The following NEK10 variants were observed in gnomAD, a reference collection of about 807,000 sequenced individuals.
NEK10 encodes the protein serine/threonine-protein kinase Nek10.
A neutral mutation model predicts 159.8 loss-of-function variants in NEK10; 122 were observed. That is an observed-to-expected ratio of 0.76 (90% CI 0.66 to 0.89). The LOEUF (loss-of-function observed/expected upper bound fraction) is 0.89, where lower values mean the gene tolerates loss of function less well. Ranked by LOEUF, NEK10 falls within the 40% of genes least tolerant of loss-of-function variation. The pLI is 0.00. For missense variants in NEK10, 1,342 were observed against 1,323.1 expected, an observed-to-expected ratio of 1.01 and a Z score of -0.22; for synonymous variants, 466 against 457.1, an observed-to-expected ratio of 1.02 and a Z score of -0.25.
intron 31 of NEK10, among the ~76,000 whole-genome samples, chr3:27,140,126 T>C (rs1313348859): frequency 2.0e-5 from 3 of 152,178 alleles, no homozygotes; most frequent in Non-Finnish European, 4.4e-5. Flanking sequence ...GACTAGGGTG[T>C]TCCTGGAAAA....
intron 23 of NEK10, among the ~76,000 whole-genome samples, chr3:27,242,120 A>G (rs1483127123): frequency 6.6e-6 from 1 of 152,230 alleles, no homozygotes; most frequent in East Asian, 1.9e-4. Context: ...ATGTAAGGCC[A>G]AGGAGGCAGG....
chr3:27,324,085 T>C, intron 5 of NEK10, among the ~76,000 whole-genome samples: 1 of 152,238 alleles, frequency 6.6e-6, no homozygotes, highest in East Asian at 1.9e-4. Flanking sequence ...AGCTTAGAAG[T>C]AGGAAGTCAG....
At chr3:27,210,403 G>A (rs1469862708) in intron 23 of NEK10, among the ~76,000 whole-genome samples, 1 of 152,064 alleles carries the variant, frequency 6.6e-6, no homozygotes, top group Non-Finnish European at 1.5e-5. Context: ...GATCATAAGG[G>A]CTCTTCTCTC....
rs1372225667 is a variant in NEK10 at position 27,308,921 on chromosome 3, C to T, written c.716+5G>A. The T allele has an allele frequency of 1.3e-6, 2 of 1,510,290 alleles. No individual in the cohort carries two copies. The highest frequency in any genetic ancestry group is 1.8e-6 in the Non-Finnish European group (2 of 1,088,274). The allele number at this position is 1,510,290 out of a possible 1,614,324, so 93.6% of individuals were successfully genotyped here. On this transcript the variant is annotated splice_donor_5th_base_variant and intron_variant, in intron 10 of 35. Transcript: ENST00000691995. ...CTGGAAAGTATATTAGAATACACTA[C>T]TTACCTTTCTGCTAAACTAGCCAGA...
intron 26 of NEK10, 55 bp from the exon 27 acceptor site, chr3:27,174,888 G>T: frequency 1.4e-6 from 2 of 1,420,520 alleles, no homozygotes; most frequent in Non-Finnish European, 1.9e-6. Context: ...TCCTTCTATA[G>T]GACCTAAATC....
Position 27,204,809 on chromosome 3 carries a change from A to C in NEK10, c.2091-2252T>G, listed in dbSNP as rs1275359973. 2.3e-3 allele frequency among the ~76,000 whole-genome samples: 325 copies of C among 142,896 alleles called. 1 individual carries two copies. Among genetic ancestry groups the C allele is most frequent in the African/African-American group, 7.5e-3 (297 of 39,580 alleles). The allele number at this position is 142,896 out of a possible 152,430, so 93.7% of individuals were successfully genotyped here. On this transcript the variant is annotated intron_variant, in intron 23 of 35. Coordinates refer to ENST00000691995, the MANE Select transcript of NEK10 (RefSeq NM_001394966.1). ...CTTTATAGCAGCATGATTTATAGTC[A>C]TTTGGGTATATACCCAGTAATGGGA...
At chr3:27,320,169 G>A (rs371886398) in intron 6 of NEK10, among the ~76,000 whole-genome samples, 21 of 152,220 alleles carry the variant, frequency 1.4e-4, no homozygotes, top group African/African-American at 4.8e-4. Context: ...GACAATATTC[G>A]TTTAATATGT....
intron 26 of NEK10, among the ~76,000 whole-genome samples, chr3:27,176,709 G>C (rs1267057489): frequency 6.6e-6 from 1 of 152,068 alleles, no homozygotes; most frequent in Non-Finnish European, 1.5e-5. Flanking sequence ...TCCTTCTTAT[G>C]ACCTTTTTTA....
At chr3:27,189,016 C>T (rs1365011867) in intron 26 of NEK10, among the ~76,000 whole-genome samples, 1 of 152,092 alleles carries the variant, frequency 6.6e-6, no homozygotes, top group African/African-American at 2.4e-5. Flanking sequence ...CTCTACATGA[C>T]AATATTCTAA....
intron 23 of NEK10, among the ~76,000 whole-genome samples, chr3:27,205,571 G>A (rs1950473619): frequency 7.7e-6 from 1 of 130,704 alleles, no homozygotes; most frequent in Non-Finnish European, 1.6e-5. Flanking sequence ...ACAACTATCT[G>A]ATCTTTGACA....
At chr3:27,112,795 T>C (rs1440224176) in intron 35 of NEK10, among the ~76,000 whole-genome samples, 1 of 152,234 alleles carries the variant, frequency 6.6e-6, no homozygotes, top group African/African-American at 2.4e-5. Flanking sequence ...TATTGACATC[T>C]TTGATAATAT....
intron 1 of NEK10, among the ~76,000 whole-genome samples, chr3:27,353,549 T>C (rs1377374462): frequency 6.6e-6 from 1 of 152,154 alleles, no homozygotes; most frequent in African/African-American, 2.4e-5. Context: ...AAAGACAGTT[T>C]AAGGATTTAA....
intron 23 of NEK10, among the ~76,000 whole-genome samples, chr3:27,247,809 T>G (rs1356088713): frequency 2.1e-5 from 3 of 141,474 alleles, no homozygotes; most frequent in Non-Finnish European, 4.6e-5. Flanking sequence ...AATTTTCTTT[T>G]CTTTTCTTTT....
intron 30 of NEK10, among the ~76,000 whole-genome samples, chr3:27,157,772 G>T (rs1410707819): frequency 6.6e-6 from 1 of 152,074 alleles, no homozygotes; most frequent in Non-Finnish European, 1.5e-5. Context: ...GTGAAAGACT[G>T]AATTGATTGA....
intron 12 of NEK10, 116 bp from the exon 13 acceptor site, chr3:27,301,951 G>A: frequency 1.3e-6 from 1 of 762,128 alleles, no homozygotes; most frequent in Non-Finnish European, 2.1e-6. Flanking sequence ...CATCATTATT[G>A]TTTCACTTTC....
intron 25 of NEK10, among the ~76,000 whole-genome samples, chr3:27,201,156 T>C (rs924448534): frequency 2.0e-5 from 3 of 152,230 alleles, no homozygotes; most frequent in Non-Finnish European, 2.9e-5. Flanking sequence ...CATGTGTTCT[T>C]GTCTGGCCTT....
At chr3:27,313,753 C>T (rs1470267026) in intron 7 of NEK10, among the ~76,000 whole-genome samples, 7 of 152,162 alleles carry the variant, frequency 4.6e-5, no homozygotes, top group Admixed American at 4.6e-4. Flanking sequence ...CGCTCTGTTG[C>T]CCAGGCTGGA....
intron 23 of NEK10, among the ~76,000 whole-genome samples, chr3:27,232,567 A>G (rs1953419367): frequency 6.6e-6 from 1 of 152,084 alleles, no homozygotes; most frequent in African/African-American, 2.4e-5. Flanking sequence ...AAAAATCCTA[A>G]AATTCATATG....
Position 27,192,135 on chromosome 3 carries a change from G to T in NEK10, c.2399C>A (p.Ser800Tyr). 1 of 1,614,136 alleles carries T rather than the reference G, an allele frequency of 6.2e-7. No individual in the cohort carries two copies. The highest frequency in any genetic ancestry group is 8.5e-7 in the Non-Finnish European group (1 of 1,179,986). ...TTCCCGTTCTAGCTTCTTTTCCAAG[G>T]ACAACTGGGATGTAGATAAGTTGTC... ...YLDNLSTSQLSLEKKLERERR... is the reference protein window; with the variant it reads ...YLDNLSTSQLYLEKKLERERR... Residue 800 changes from serine (S) to tyrosine (Y), a missense_variant, in exon 26 of 36, where the codon TCC becomes TAC. Ser to Tyr is a moderately radical substitution (Grantham distance 144, BLOSUM62 -2). Transcript: ENST00000691995.
Sources: allele counts gnomAD v4.1 joint callset (sites outside exome capture counted in the v4.1 genomes callset), GRCh38; gene constraint gnomAD v4.1.1; transcripts MANE v1.5; gene names NCBI Gene and HGNC (gene_info 2026-07-23, HGNC 2026-07-21).